Variants in SAMD11 observed in about 807,000 individuals in gnomAD.
SAMD11 encodes the protein sterile alpha motif domain-containing protein 11.
Under a neutral mutation model 64.4 loss-of-function variants are expected in SAMD11, and 77 were observed. The observed-to-expected ratio is 1.20, with a 90% CI of 0.99 to 1.44. SAMD11 has a LOEUF of 1.44. Among genes scored for constraint, SAMD11 ranks in the 40% most tolerant of loss-of-function variants. The pLI is 0.00. For synonymous variants in SAMD11, 658 were observed against 421.9 expected, an observed-to-expected ratio of 1.56 and a Z score of -6.86; for missense variants, 1,402 against 943.3, an observed-to-expected ratio of 1.49 and a Z score of -6.37.
chr1:941,117 G>C (rs924099855), intron 7 of SAMD11, 27 bp from the exon 8 acceptor site: 2 of 1,571,436 alleles, frequency 1.3e-6, no homozygotes, highest in Non-Finnish European at 1.7e-6. Context: ...ATAGCCGGGG[G>C]GATCACTGCT....
At position 944,071 on chromosome 1, in the gene SAMD11, C is replaced by G. The variant is rs752077089; in HGVS notation, c.2453C>G (p.Ala818Gly). 1.9e-6 allele frequency: 3 copies of G among 1,612,622 alleles called. No homozygotes were observed. Among genetic ancestry groups the G allele is most frequent in the East Asian group, 2.2e-5 (1 of 44,842 alleles). ...CCCTATGGAGGGGGCCACGCCCTTGCCGGTCAAACTTCACCCAAGCAGGAG... is the reference window on the plus strand; with the variant it reads ...CCCTATGGAGGGGGCCACGCCCTTGGCGGTCAAACTTCACCCAAGCAGGAG... Reference protein sequence around the residue: ...TSPYGGGHALAGQTSPKQENG... With the variant: ...TSPYGGGHALGGQTSPKQENG... Residue 818 changes from alanine (A) to glycine (G), a missense_variant, in exon 14 of 14, where the codon GCC becomes GGC. Coordinates refer to ENST00000616016, the MANE Select transcript of SAMD11 (RefSeq NM_001385641.1).
rs1335656391 is a variant in SAMD11, at chr1:941,154, G to C, written c.1206G>C (p.Arg402Ser). 1 of 1,599,604 alleles carries C rather than the reference G, an allele frequency of 6.3e-7. No homozygotes were observed. Among genetic ancestry groups the C allele is most frequent in the African/African-American group, 1.3e-5 (1 of 74,604 alleles). The change falls in exon 8 of 14, where the codon AGG becomes AGC. Residue 402 changes from arginine to serine, a missense_variant. Coordinates refer to ENST00000616016, the MANE Select transcript of SAMD11 (RefSeq NM_001385641.1). ...TTGTCCCCCACCCAGATCTCCTGAGGGTCCGGCAGGAGGTGGCGGCTGCAG... is the reference window on the plus strand; with the variant it reads ...TTGTCCCCCACCCAGATCTCCTGAGCGTCCGGCAGGAGGTGGCGGCTGCAG... ...HLGLPSHDLLRVRQEVAAAAL... is the reference protein window; with the variant it reads ...HLGLPSHDLLSVRQEVAAAAL...
chr1:929,572 G>A (rs1318459257), intron 2 of SAMD11, among the ~76,000 whole-genome samples: 1 of 152,220 alleles, frequency 6.6e-6, no homozygotes, highest in Non-Finnish European at 1.5e-5. Flanking sequence ...GCAGGGTGTG[G>A]TGGGCAGAAG....
Position 924,128 on chromosome 1 carries a change from G to C in SAMD11, c.-304G>C, listed in dbSNP as rs959899529. ...CCCCGGGCGCGGGCGCTGGTGGCCG[G>C]GGCGCGGGACTCCAGACGCCCCGGG... On this transcript the variant is annotated 5_prime_UTR_variant, in exon 1 of 14. Coordinates refer to ENST00000616016, the MANE Select transcript of SAMD11 (RefSeq NM_001385641.1). The C allele has an allele frequency of 6.7e-6, 1 of 149,686 alleles. No homozygotes were observed. The highest frequency in any genetic ancestry group is 1.5e-5 in the Non-Finnish European group (1 of 67,052). 9.3% of individuals were successfully genotyped at this position (149,686 alleles called of 1,614,324 possible).
intron 5 of SAMD11, among the ~76,000 whole-genome samples, chr1:938,111 G>T (rs1209970763): frequency 6.6e-6 from 1 of 152,006 alleles, no homozygotes; most frequent in Non-Finnish European, 1.5e-5. Flanking sequence ...AGGGCGTGGA[G>T]TCAGGGGCTT....
intron 5 of SAMD11, among the ~76,000 whole-genome samples, chr1:937,431 G>A (rs1381158837): frequency 1.5e-5 from 2 of 134,038 alleles, no homozygotes; most frequent in Non-Finnish European, 1.6e-5. Flanking sequence ...CCCCAGGCTA[G>A]GAGGAGGCCT....
intron 2 of SAMD11, among the ~76,000 whole-genome samples, chr1:928,653 C>T (rs992061864): frequency 3.3e-5 from 5 of 152,274 alleles, no homozygotes; most frequent in Non-Finnish European, 5.9e-5. Context: ...GGGTCTCAGC[C>T]TCGGACCCCA....
At chr1:938,440 G>A (rs898640317) in intron 5 of SAMD11, among the ~76,000 whole-genome samples, 5 of 152,232 alleles carry the variant, frequency 3.3e-5, no homozygotes, top group Admixed American at 6.5e-5. Context: ...AGCCACGCCA[G>A]GGTGCTAGCT....
chr1:928,014 G>A (rs1036773304), intron 2 of SAMD11, among the ~76,000 whole-genome samples: 1 of 152,236 alleles, frequency 6.6e-6, no homozygotes, highest in African/African-American at 2.4e-5. Flanking sequence ...CTTCCAAGGG[G>A]CAGTCTTCTG....
chr1:935,904 G>T lies in SAMD11; in HGVS notation c.967+8G>T, dbSNP rs1408225672. 2 of 1,612,178 alleles carry T rather than the reference G, an allele frequency of 1.2e-6. No homozygotes were observed. The highest frequency in any genetic ancestry group is 2.2e-5 in the South Asian group (2 of 91,046). On this transcript the variant is annotated splice_region_variant and intron_variant, in intron 5 of 13. Coordinates refer to ENST00000616016, the MANE Select transcript of SAMD11 (RefSeq NM_001385641.1). ...TTGGCCTGCGACCCGCCGGTGAGGA[G>T]CACAGGGGGCCTGAGGGCGGGGTCG...
At position 939,426 on chromosome 1, in the gene SAMD11, C is replaced by G. The variant is rs1641629160; in HGVS notation, c.1195+14C>G. On this transcript the variant is annotated intron_variant, in intron 7 of 13. Transcript: ENST00000616016. ...TCCCCAGCCACGGTGAGGACCCACC[C>G]TGGCATGATCCCCCTCATCACCTCC... The G allele has an allele frequency of 1.4e-6, 2 of 1,441,322 alleles. No individual in the cohort carries two copies. The highest frequency in any genetic ancestry group is 3.7e-4 in the Middle Eastern group (2 of 5,432). The allele number at this position is 1,441,322 out of a possible 1,614,324, so 89.3% of individuals were successfully genotyped here.
intron 1 of SAMD11, 89 bp from the exon 2 acceptor site, chr1:925,833 C>T (rs965244502): frequency 3.2e-6 from 3 of 938,724 alleles, no homozygotes; most frequent in Non-Finnish European, 5.1e-6. Context: ...ATTTCGTCCA[C>T]GAGCCGGGGA....
chr1:941,103 G>A (rs765372761), intron 7 of SAMD11, 41 bp from the exon 8 acceptor site: 3 of 1,539,814 alleles, frequency 1.9e-6, no homozygotes, highest in East Asian at 2.4e-5. Flanking sequence ...GAGGATGAGG[G>A]CGCATAGCCG....
chr1:939,489 C>G, intron 7 of SAMD11, 77 bp downstream of exon 7: 1 of 1,593,300 alleles, frequency 6.3e-7, no homozygotes, highest in Non-Finnish European at 8.6e-7. Context: ...ATGATCTCCC[C>G]TCATCACCTC....
chr1:941,303 A>G lies in SAMD11; in HGVS notation c.1355A>G (p.Glu452Gly), dbSNP rs1232093710. The G allele has an allele frequency of 1.3e-6, 2 of 1,583,488 alleles. No homozygotes were observed. The highest frequency in any genetic ancestry group is 1.7e-6 in the Non-Finnish European group (2 of 1,165,684). The change falls in exon 8 of 14, where the codon GAG (glutamate) becomes GGG (glycine). Residue 452 changes from glutamate to glycine, a missense_variant. Glu to Gly is a moderately conservative substitution (Grantham distance 98, BLOSUM62 -2). Coordinates refer to ENST00000616016, the MANE Select transcript of SAMD11 (RefSeq NM_001385641.1). ...CCAGCTGCCGCCCCGTCCTTCTCGG[A>G]GAGGTACTGGGGTGGCTGCCGTTCT... The part of the protein sequence containing the change: ...AAPAAAPSFS[E>G]RELPQPPPLL...
chr1:928,329 T>C (rs1468103976), intron 2 of SAMD11, among the ~76,000 whole-genome samples: 1 of 152,180 alleles, frequency 6.6e-6, no homozygotes, highest in Non-Finnish European at 1.5e-5. Context: ...GAGGCGGAGC[T>C]TGCAGTGAGC....
intron 1 of SAMD11, chr1:925,296 G>T: frequency 6.6e-6 from 1 of 151,930 alleles, no homozygotes; most frequent in South Asian, 1.8e-4. Context: ...GTTCGGGGGA[G>T]ACTGGAGGGG....
At chr1:929,940 T>C (rs1641088646) in intron 2 of SAMD11, among the ~76,000 whole-genome samples, 1 of 152,142 alleles carries the variant, frequency 6.6e-6, no homozygotes, top group Admixed American at 6.5e-5. Context: ...TCTGGCCAGC[T>C]GTGGCTCCTG....
intron 2 of SAMD11, among the ~76,000 whole-genome samples, 177 bp from the exon 3 acceptor site, chr1:929,978 G>A (rs941725857): frequency 1.3e-5 from 2 of 152,232 alleles, no homozygotes; most frequent in African/African-American, 4.8e-5. Context: ...CCAGAGGCAG[G>A]TAGAGGGAGG....
Sources: gnomAD v4.1 joint callset for allele counts (sites outside exome capture counted in the v4.1 genomes callset) on GRCh38, gnomAD v4.1.1 for gene constraint, MANE v1.5 for transcripts, NCBI Gene and HGNC (gene_info 2026-07-23, HGNC 2026-07-21) for gene names.